The following GABRB3 variants were observed in gnomAD, a reference collection of about 807,000 sequenced individuals.
GABRB3 encodes gamma-aminobutyric acid receptor subunit beta-3.
In GABRB3, 14 loss-of-function variants were observed where a neutral mutation model predicts 52.1. That is an observed-to-expected ratio of 0.27 (90% CI 0.18 to 0.42). The LOEUF is 0.42. Ranked by LOEUF, GABRB3 falls within the 10% of genes least tolerant of loss-of-function variation. GABRB3 has a pLI of 1.00. For synonymous variants in GABRB3, 260 were observed against 232.3 expected (o/e 1.12, Z -1.08); for missense variants, 307 against 609.1 (o/e 0.50, Z 5.22).
chr15:26,633,383 T>C (rs1203953023), intron 3 of GABRB3, among the ~76,000 whole-genome samples: 1 of 151,894 alleles, frequency 6.6e-6, no homozygotes, highest in Non-Finnish European at 1.5e-5. Flanking sequence ...TCCCACCCAC[T>C]CTCTCTTCCC....
intron 3 of GABRB3, among the ~76,000 whole-genome samples, chr15:26,651,912 A>G (rs1887208651): frequency 6.6e-6 from 1 of 152,198 alleles, no homozygotes; most frequent in Non-Finnish European, 1.5e-5. Context: ...TTTTGTGGGG[A>G]AAATTTTCAT....
At chr15:26,665,409 A>G (rs1887678635) in intron 3 of GABRB3, among the ~76,000 whole-genome samples, 1 of 152,260 alleles carries the variant, frequency 6.6e-6, no homozygotes, top group Non-Finnish European at 1.5e-5. Flanking sequence ...CCAAACTGTT[A>G]TTTGTAAGGC....
At chr15:26,680,771 A>T (rs1178237889) in intron 3 of GABRB3, among the ~76,000 whole-genome samples, 1 of 152,208 alleles carries the variant, frequency 6.6e-6, no homozygotes, top group Non-Finnish European at 1.5e-5. Context: ...CGTCATTAAG[A>T]GATACACTAC....
chr15:26,768,745 A>C (rs1178106586), intron 3 of GABRB3, among the ~76,000 whole-genome samples: 1 of 152,182 alleles, frequency 6.6e-6, no homozygotes, highest in Non-Finnish European at 1.5e-5. Flanking sequence ...GGCTAAGAGA[A>C]ACAAGAGGGA....
intron 4 of GABRB3, chr15:26,615,936 C>A: frequency 7.8e-7 from 1 of 1,288,470 alleles, no homozygotes; most frequent in Non-Finnish European, 1.0e-6. Context: ...GGACCTTCCT[C>A]AGCAGTACTT....
rs910451135 is a variant in GABRB3, at chr15:26,545,200, G to T, written c.*2593C>A. The T allele has an allele frequency of 1.5e-4, 22 of 150,018 alleles. 1 individual carries two copies. The highest frequency in any genetic ancestry group is 5.9e-4 in the Admixed American group (9 of 15,176). 9.3% of individuals were successfully genotyped at this position (150,018 alleles called of 1,614,324 possible). On this transcript the variant is annotated 3_prime_UTR_variant, in exon 9 of 9. Coordinates refer to ENST00000311550, the MANE Select transcript of GABRB3 (RefSeq NM_000814.6). ...ACAGAATATATGTATGTATTTGTGT[G>T]TGTGTGTGTGTGTGTGTGTGTAGTT...
chr15:26,619,888 C>A (rs1892413157), intron 4 of GABRB3, among the ~76,000 whole-genome samples: 1 of 138,998 alleles, frequency 7.2e-6, no homozygotes, highest in Admixed American at 7.1e-5. Context: ...TGCACACCAA[C>A]ACAACACATA....
intron 3 of GABRB3, among the ~76,000 whole-genome samples, chr15:26,664,297 C>T (rs1002891289): frequency 5.9e-5 from 9 of 152,106 alleles, no homozygotes; most frequent in Non-Finnish European, 1.0e-4. Flanking sequence ...CAGATAGTAA[C>T]GTTAATTTTT....
chr15:26,697,748 T>C (rs146149482), intron 3 of GABRB3, among the ~76,000 whole-genome samples: 153 of 152,284 alleles, frequency 1.0e-3, no homozygotes, highest in Non-Finnish European at 1.9e-3. Flanking sequence ...CAAACATTTT[T>C]GAGGTCACTG....
At chr15:26,654,576 G>A (rs1312384372) in intron 3 of GABRB3, among the ~76,000 whole-genome samples, 2 of 152,104 alleles carry the variant, frequency 1.3e-5, no homozygotes, top group African/African-American at 2.4e-5. Flanking sequence ...GCAACATAGT[G>A]AGACCCCGTC....
chr15:26,759,454 T>C (rs957221123), intron 3 of GABRB3, among the ~76,000 whole-genome samples: 1 of 152,076 alleles, frequency 6.6e-6, no homozygotes, highest in African/African-American at 2.4e-5. Flanking sequence ...AGAGACGGGG[T>C]TTCACCATGT....
intron 4 of GABRB3, among the ~76,000 whole-genome samples, chr15:26,594,407 T>G (rs1224498603): frequency 6.6e-6 from 1 of 152,130 alleles, no homozygotes; most frequent in East Asian, 1.9e-4. Flanking sequence ...TTTCAAAACT[T>G]TTTTTGAAAA....
rs1348209694 is a variant in GABRB3, at chr15:26,543,628, G to A, written c.*4165C>T. On this transcript the variant is annotated 3_prime_UTR_variant, in exon 9 of 9. Transcript: ENST00000311550. The stretch of plus-strand genomic sequence containing the variant: ...ATTGTATCTATCACTCAATTTTGCT[G>A]TTTTTTCATGTCAAATAATACCAAA... 4 of 152,510 alleles carry A rather than the reference G, an allele frequency of 2.6e-5. No individual in the cohort carries two copies. Among genetic ancestry groups the A allele is most frequent in the Non-Finnish European group, 4.4e-5 (3 of 68,008 alleles). 9.4% of individuals were successfully genotyped at this position (152,510 alleles called of 1,614,324 possible).
chr15:26,756,553 G>C (rs941468383), intron 3 of GABRB3, among the ~76,000 whole-genome samples: 1 of 152,094 alleles, frequency 6.6e-6, no homozygotes, highest in Admixed American at 6.5e-5. Context: ...ACTCCAGTCT[G>C]GGCGACAGAG....
intron 3 of GABRB3, chr15:26,624,867 A>G (rs1348413026): frequency 1.9e-5 from 19 of 985,300 alleles, no homozygotes; most frequent in Non-Finnish European, 2.3e-5. Flanking sequence ...TACGGGAGCC[A>G]TGGTGCCGCT....
intron 3 of GABRB3, among the ~76,000 whole-genome samples, chr15:26,726,006 T>C (rs1383541778): frequency 6.6e-6 from 1 of 152,164 alleles, no homozygotes; most frequent in Non-Finnish European, 1.5e-5. Context: ...AGCCTGCACA[T>C]GTGTCATTTT....
At chr15:26,597,336 T>G (rs1447759503) in intron 4 of GABRB3, among the ~76,000 whole-genome samples, 3 of 152,192 alleles carry the variant, frequency 2.0e-5, no homozygotes, top group African/African-American at 7.2e-5. Flanking sequence ...AAGAGGGAAC[T>G]TGGAAATAGA....
chr15:26,630,330 T>A (rs1188865044), intron 3 of GABRB3, among the ~76,000 whole-genome samples: 2 of 152,164 alleles, frequency 1.3e-5, no homozygotes, highest in African/African-American at 4.8e-5. Context: ...CCCTGGGATA[T>A]GGGATTTAAT....
chr15:26,711,579 C>T (rs1468874328), intron 3 of GABRB3, among the ~76,000 whole-genome samples: 2 of 152,250 alleles, frequency 1.3e-5, no homozygotes, highest in African/African-American at 2.4e-5. Context: ...CTACCTCCCC[C>T]GCCCCAGGCT....
Sources: allele counts gnomAD v4.1 joint callset (sites outside exome capture counted in the v4.1 genomes callset), GRCh38; gene constraint gnomAD v4.1.1; transcripts MANE v1.5; gene names NCBI Gene and HGNC (gene_info 2026-07-23, HGNC 2026-07-21).